ZNF385D: variants seen among roughly 807,000 people sequenced by gnomAD.
ZNF385D encodes zinc finger protein 385D.
In ZNF385D, 15 loss-of-function variants were observed where a neutral mutation model predicts 35.8. The ratio of observed to expected loss-of-function variants is 0.42; its 90% CI spans 0.28 to 0.64. ZNF385D has a LOEUF of 0.64. ZNF385D is among the 30% of genes least tolerant of loss of function. The pLI is 0.23. For synonymous variants in ZNF385D, 212 were observed against 186.8 expected, an observed-to-expected ratio of 1.13 and a Z score of -1.10; for missense variants, 474 against 494.6, an observed-to-expected ratio of 0.96 and a Z score of 0.39.
intron 4 of ZNF385D, among the ~76,000 whole-genome samples, chr3:21,446,487 C>CTTTTTTTTTTT (rs71044918): frequency 4.4e-5 from 4 of 91,874 alleles, no homozygotes; most frequent in African/African-American, 9.5e-5. Context: ...AATCAATGAA[C>CTTTTTTTTTTT]TTTTTTTTTT....
chr3:22,225,471 A>T (rs1177779417), intron 2 of ZNF385D, among the ~76,000 whole-genome samples: 1 of 152,080 alleles, frequency 6.6e-6, no homozygotes, highest in Non-Finnish European at 1.5e-5. Flanking sequence ...CTTTCAACCA[A>T]TGGCTGGCTG....
Position 22,190,007 on chromosome 3 carries a change from G to C in ZNF385D, c.107-20972C>G, listed in dbSNP as rs145841509. ...AATTCTAACACACTTTTGCCCTGAT[G>C]TGTTTGTATTGTTTGGAAAAATGAA... is the stretch of plus-strand genomic sequence containing the variant. On this transcript the variant is annotated intron_variant, in intron 2 of 5. Coordinates refer to the ZNF385D transcript ENST00000494108. Among the ~76,000 whole-genome samples, 309 of 152,146 alleles carry C rather than the reference G, an allele frequency of 2.0e-3. 1 individual carries two copies. The highest frequency in any genetic ancestry group is 0.014 in the Middle Eastern group (4 of 294).
intron 2 of ZNF385D, among the ~76,000 whole-genome samples, chr3:22,305,366 A>C (rs2125417867): frequency 6.6e-6 from 1 of 152,244 alleles, no homozygotes; most frequent in African/African-American, 2.4e-5. Flanking sequence ...TGAATACTAG[A>C]CTTAATAGTT....
chr3:21,866,412 C>G (rs1237559419), intron 3 of ZNF385D, among the ~76,000 whole-genome samples: 1 of 152,128 alleles, frequency 6.6e-6, no homozygotes, highest in African/African-American at 2.4e-5. Flanking sequence ...CAAGATCGCA[C>G]GATTGCACTC....
chr3:21,721,995 G>C (rs2125451228), intron 1 of ZNF385D, among the ~76,000 whole-genome samples: 1 of 151,916 alleles, frequency 6.6e-6, no homozygotes, highest in African/African-American at 2.4e-5. Flanking sequence ...AGCTACTCAG[G>C]AGGCTGAGGG....
At chr3:21,742,885 C>G (rs560200550) in intron 1 of ZNF385D, among the ~76,000 whole-genome samples, 2 of 152,250 alleles carry the variant, frequency 1.3e-5, no homozygotes, top group East Asian at 3.9e-4. Context: ...CCCCAACAGG[C>G]AAAATCACTT....
intron 2 of ZNF385D, among the ~76,000 whole-genome samples, chr3:21,572,791 C>T (rs1428840836): frequency 6.6e-6 from 1 of 152,144 alleles, no homozygotes; most frequent in East Asian, 1.9e-4. Context: ...AGGGTCTTTC[C>T]AGGGAAAGAT....
intron 3 of ZNF385D, among the ~76,000 whole-genome samples, chr3:21,786,022 C>CTT (rs71901814): frequency 0.25 from 37,336 of 148,590 alleles, 4,679 homozygotes; most frequent in East Asian, 0.4. Context: ...TTACTTTACC[C>CTT]TTTTTTTTTT....
At chr3:21,963,717 G>A (rs968558655) in intron 3 of ZNF385D, among the ~76,000 whole-genome samples, 2 of 152,114 alleles carry the variant, frequency 1.3e-5, no homozygotes, top group Admixed American at 6.6e-5. Context: ...TGGTGCAAAA[G>A]TAATTGTGAT....
At chr3:21,555,360 T>TC (rs1232725342) in intron 3 of ZNF385D, among the ~76,000 whole-genome samples, 1 of 152,048 alleles carries the variant, frequency 6.6e-6, no homozygotes, top group Admixed American at 6.6e-5. Flanking sequence ...ATGCTATCCC[T>TC]CCCCTAGCCC....
chr3:21,881,250 C>G (rs1050397577), intron 3 of ZNF385D, among the ~76,000 whole-genome samples: 1 of 151,912 alleles, frequency 6.6e-6, no homozygotes, highest in Non-Finnish European at 1.5e-5. Flanking sequence ...GAAGTTAGTG[C>G]CTGGCATCAA....
At chr3:21,957,599 C>T (rs1702360107) in intron 3 of ZNF385D, among the ~76,000 whole-genome samples, 1 of 152,104 alleles carries the variant, frequency 6.6e-6, no homozygotes, top group African/African-American at 2.4e-5. Flanking sequence ...AGAGGACATG[C>T]ATAAGGTATT....
At chr3:22,012,164 G>C (rs1053390517) in intron 3 of ZNF385D, among the ~76,000 whole-genome samples, 1 of 152,152 alleles carries the variant, frequency 6.6e-6, no homozygotes, top group African/African-American at 2.4e-5. Flanking sequence ...CTGGGGCAAA[G>C]AAGTCCATTA....
intron 3 of ZNF385D, among the ~76,000 whole-genome samples, chr3:21,865,283 G>A (rs1049379470): frequency 6.6e-6 from 1 of 151,790 alleles, no homozygotes; most frequent in South Asian, 2.1e-4. Flanking sequence ...ATACACAGTG[G>A]AATCTCAAAA....
intron 2 of ZNF385D, among the ~76,000 whole-genome samples, chr3:22,338,102 T>C (rs191403554): frequency 1.3e-5 from 2 of 152,306 alleles, no homozygotes; most frequent in East Asian, 1.9e-4. Context: ...ATGGTTGAAA[T>C]ATTTTTCTAA....
intron 1 of ZNF385D, among the ~76,000 whole-genome samples, chr3:21,676,654 G>A (rs2125299918): frequency 6.6e-6 from 1 of 152,142 alleles, no homozygotes; most frequent in Admixed American, 6.6e-5. Flanking sequence ...TATAAACAAT[G>A]AAGATATCCT....
intron 3 of ZNF385D, among the ~76,000 whole-genome samples, chr3:22,106,036 G>A (rs1287641933): frequency 2.0e-5 from 3 of 152,000 alleles, no homozygotes; most frequent in African/African-American, 4.8e-5. Context: ...CCTAGCATAT[G>A]CTTAGTCATT....
intron 3 of ZNF385D, among the ~76,000 whole-genome samples, chr3:21,926,348 T>G (rs925120246): frequency 6.6e-6 from 1 of 152,156 alleles, no homozygotes; most frequent in Non-Finnish European, 1.5e-5. Flanking sequence ...GTGTTCTCAT[T>G]GTTCAACTCC....
chr3:22,021,387 G>C (rs181509649), intron 3 of ZNF385D, among the ~76,000 whole-genome samples: 29 of 152,052 alleles, frequency 1.9e-4, no homozygotes, highest in Admixed American at 6.6e-4. Context: ...TAGGCTTTCA[G>C]GCATTAGAAG....
Sources: allele counts gnomAD v4.1 joint callset (sites outside exome capture counted in the v4.1 genomes callset), GRCh38; gene constraint gnomAD v4.1.1; transcripts MANE v1.5; gene names NCBI Gene and HGNC (gene_info 2026-07-23, HGNC 2026-07-21).